PLXNA4: variants seen among roughly 807,000 people sequenced by gnomAD.
PLXNA4 encodes plexin A4.
A neutral mutation model predicts 191.8 loss-of-function variants in PLXNA4; 44 were observed. The observed-to-expected ratio is 0.23, with a 90% confidence interval of 0.18 to 0.29. The LOEUF (loss-of-function observed/expected upper bound fraction) is 0.29. Among genes scored for constraint, PLXNA4 ranks in the 10% least tolerant of loss-of-function variants. The probability of loss-of-function intolerance (pLI) is 1.00; values close to 1 mark genes in which losing one functional copy is unlikely to be tolerated. For synonymous variants in PLXNA4, 1,082 were observed against 1,009.5 expected, an observed-to-expected ratio of 1.07 and a Z score of -1.36; for missense variants, 1,800 against 2,488.8, an observed-to-expected ratio of 0.72 and a Z score of 5.89.
upstream of PLXNA4, among the ~76,000 whole-genome samples, chr7:132,579,983 T>C (rs1432214278): frequency 6.6e-6 from 1 of 152,040 alleles, no homozygotes; most frequent in Non-Finnish European, 1.5e-5. Flanking sequence ...AGAAAACACA[T>C]GTCCTACTCC....
Position 132,202,856 on chromosome 7 carries a change from G to A in PLXNA4, c.2396-20C>T. 6.5e-7 allele frequency: 1 copy of A among 1,527,638 alleles called. No individual in the cohort carries two copies. The highest frequency in any genetic ancestry group is 1.3e-5 in the South Asian group (1 of 77,320). 94.6% of individuals were successfully genotyped at this position (1,527,638 alleles called of 1,614,324 possible). A position where few individuals can be genotyped will look rare whatever the true frequency, so the allele number is the denominator to read the frequency against. On this transcript the variant is annotated intron_variant, in intron 11 of 31. Transcript: ENST00000321063. Reference sequence around the variant, plus strand: ...GGTGAACTGCAGAGGGGAAGGGCAAGGACAAGGGGTGCTTGGGAATGGCAG... The same window carrying A: ...GGTGAACTGCAGAGGGGAAGGGCAAAGACAAGGGGTGCTTGGGAATGGCAG...
chr7:132,386,856 A>G (rs1411481198), intron 3 of PLXNA4, among the ~76,000 whole-genome samples: 1 of 152,214 alleles, frequency 6.6e-6, no homozygotes, highest in South Asian at 2.1e-4. Flanking sequence ...GGGACTGCAA[A>G]GCACATCACA....
intron 3 of PLXNA4, among the ~76,000 whole-genome samples, chr7:132,349,009 G>T (rs1307547435): frequency 6.6e-6 from 1 of 152,016 alleles, no homozygotes; most frequent in East Asian, 1.9e-4. Flanking sequence ...CCCTTTATAC[G>T]CCTCCCCACC....
intron 1 of PLXNA4, among the ~76,000 whole-genome samples, chr7:132,531,844 T>G (rs1229615824): frequency 2.0e-5 from 3 of 152,242 alleles, no homozygotes; most frequent in African/African-American, 7.2e-5. Flanking sequence ...TGGGAAGGGC[T>G]TGGTAATTTG....
chr7:132,380,737 C>T (rs757541954), intron 3 of PLXNA4, among the ~76,000 whole-genome samples: 1 of 152,184 alleles, frequency 6.6e-6, no homozygotes, highest in Non-Finnish European at 1.5e-5. Flanking sequence ...CAGTAGTTTC[C>T]AAACCCTATC....
intron 2 of PLXNA4, among the ~76,000 whole-genome samples, chr7:132,623,965 G>C (rs1021243794): frequency 2.0e-5 from 3 of 152,170 alleles, no homozygotes; most frequent in African/African-American, 7.2e-5. Flanking sequence ...AAGAATAAAG[G>C]AAGCTTAGTC....
intron 2 of PLXNA4, among the ~76,000 whole-genome samples, chr7:132,602,982 G>A (rs1045026804): frequency 3.3e-5 from 5 of 152,158 alleles, no homozygotes; most frequent in African/African-American, 1.2e-4. Context: ...TTTCCATTAA[G>A]TATGCCCTAT....
At chr7:132,429,328 A>G (rs1215081219) in intron 3 of PLXNA4, among the ~76,000 whole-genome samples, 1 of 152,110 alleles carries the variant, frequency 6.6e-6, no homozygotes, top group Non-Finnish European at 1.5e-5. Context: ...TACCTTCTTG[A>G]CCAAAATGGA....
Position 132,499,919 on chromosome 7 carries a change from C to T in PLXNA4, c.1188+7587G>A, listed in dbSNP as rs566250956. Reference sequence around the variant, plus strand: ...TGGGCTGCTTCTCTCCCACTGACCCCGTTTCCTGCCCATAGGGCCACACAC... The same window carrying T: ...TGGGCTGCTTCTCTCCCACTGACCCTGTTTCCTGCCCATAGGGCCACACAC... On this transcript the variant is annotated intron_variant, in intron 2 of 31. Transcript: ENST00000321063. Among the ~76,000 whole-genome samples, 11 of 152,278 alleles carry T rather than the reference C, an allele frequency of 7.2e-5. No homozygotes were observed. The East Asian group carries it at 7.7e-4, about 11-fold the overall frequency.
At chr7:132,412,501 C>T (rs903459070) in intron 3 of PLXNA4, among the ~76,000 whole-genome samples, 41 of 152,136 alleles carry the variant, frequency 2.7e-4, no homozygotes, top group Admixed American at 1.2e-3. Context: ...AACAGCATCT[C>T]GTGAGCTGAC....
intron 3 of PLXNA4, among the ~76,000 whole-genome samples, chr7:132,371,934 T>C (rs1329106142): frequency 1.3e-5 from 2 of 152,192 alleles, no homozygotes; most frequent in African/African-American, 4.8e-5. Flanking sequence ...AAAACTGCAA[T>C]CATGCATCCA....
intron 21 of PLXNA4, among the ~76,000 whole-genome samples, chr7:132,171,777 T>G (rs9641933): frequency 0.24 from 36,756 of 152,098 alleles, 5,434 homozygotes; most frequent in African/African-American, 0.37. Context: ...CCACAGTGAC[T>G]CGTAGGTGGA....
chr7:132,133,531 GT>G (rs1208784001), intron 30 of PLXNA4, among the ~76,000 whole-genome samples: 3 of 152,128 alleles, frequency 2.0e-5, no homozygotes, highest in Non-Finnish European at 2.9e-5. Flanking sequence ...GGTCTAGACT[GT>G]CTTGAGTTTC....
In PLXNA4 at chr7:132,519,273, C is replaced by T. The variant is rs142146671; in HGVS notation, c.-86-10494G>A. Among the ~76,000 whole-genome samples, 228 of 152,330 alleles carry T rather than the reference C, an allele frequency of 1.5e-3. 2 individuals are homozygous for T. The highest frequency in any genetic ancestry group is 0.01 in the Middle Eastern group (3 of 294). Reference sequence around the variant, plus strand: ...CACCTATGTGGCCACTGTCTCCTACCCAGTCCATGAGGAACACTCTATCCA... The same window carrying T: ...CACCTATGTGGCCACTGTCTCCTACTCAGTCCATGAGGAACACTCTATCCA... On this transcript the variant is annotated intron_variant, in intron 1 of 31. Transcript: ENST00000321063.
chr7:132,243,993 C>T (rs1490017944), intron 4 of PLXNA4, among the ~76,000 whole-genome samples: 1 of 152,022 alleles, frequency 6.6e-6, no homozygotes, highest in Admixed American at 6.6e-5. Flanking sequence ...TGGATGAAAC[C>T]TGGAGTTATC....
intron 2 of PLXNA4, among the ~76,000 whole-genome samples, chr7:132,586,463 C>G (rs1460465629): frequency 6.6e-6 from 1 of 152,168 alleles, no homozygotes; most frequent in East Asian, 1.9e-4. Flanking sequence ...AAATATATGG[C>G]ACTCAGGCCG....
At chr7:132,573,243 G>C (rs4360239) in intron 1 of PLXNA4, among the ~76,000 whole-genome samples, 5,761 of 152,198 alleles carry the variant, frequency 0.038, 255 homozygotes, top group African/African-American at 0.1. Context: ...AGTCTAATGA[G>C]AGCCAAGATC....
intron 3 of PLXNA4, among the ~76,000 whole-genome samples, chr7:132,305,271 T>C (rs887822819): frequency 1.3e-5 from 2 of 151,958 alleles, no homozygotes; most frequent in African/African-American, 4.8e-5. Context: ...ACTTAAGGAC[T>C]GAGCATCATC....
At chr7:132,239,496 C>T (rs1026482389) in intron 5 of PLXNA4, among the ~76,000 whole-genome samples, 7 of 152,154 alleles carry the variant, frequency 4.6e-5, no homozygotes, top group Non-Finnish European at 2.9e-5. Flanking sequence ...ATGCCAGGAT[C>T]GCAGAGCTAT....
Sources: allele counts gnomAD v4.1 joint callset (sites outside exome capture counted in the v4.1 genomes callset), GRCh38; gene constraint gnomAD v4.1.1; transcripts MANE v1.5; gene names NCBI Gene and HGNC (gene_info 2026-07-23, HGNC 2026-07-21).